Variants in PDCL2 observed in about 807,000 individuals in gnomAD.
The protein encoded by PDCL2 is phosducin like 2, also known as phosducin-like protein 2.
A neutral mutation model predicts 30.3 loss-of-function variants in PDCL2; 23 were observed. The observed-to-expected ratio is 0.76, with a 90% CI of 0.55 to 1.08. PDCL2 has a LOEUF of 1.08. Ranked by LOEUF, PDCL2 falls within the 50% of genes least tolerant of loss-of-function variation. PDCL2 has a pLI of 0.00. For missense variants in PDCL2, 243 were observed against 282.3 expected (o/e 0.86, Z 1.00); for synonymous variants, 68 against 86.2 (o/e 0.79, Z 1.17).
intron 4 of PDCL2, among the ~76,000 whole-genome samples, chr4:55,563,000 G>A (rs1400018402): frequency 1.3e-5 from 2 of 151,698 alleles, no homozygotes; most frequent in African/African-American, 4.8e-5. Flanking sequence ...CTGCCATCAT[G>A]AGCTTCTTTC....
chr4:55,556,835 G>GT (rs71194590), intron 5 of PDCL2, 124 bp from the exon 6 acceptor site: 253,253 of 782,158 alleles, frequency 0.32, 39,302 homozygotes, highest in East Asian at 0.55. Flanking sequence ...TTATTTATAG[G>GT]TTTTTTTTTC....
At chr4:55,577,115 C>T (rs765943187) in intron 3 of PDCL2, among the ~76,000 whole-genome samples, 8 of 152,106 alleles carry the variant, frequency 5.3e-5, no homozygotes, top group African/African-American at 1.4e-4. Context: ...CAGGCTGGTT[C>T]GAACTCCTGA....
chr4:55,578,332 T>G (rs999835292), intron 3 of PDCL2, among the ~76,000 whole-genome samples: 1 of 152,116 alleles, frequency 6.6e-6, no homozygotes, highest in African/African-American at 2.4e-5. Context: ...GCAAGCTGTG[T>G]CAGAAATACA....
In PDCL2 at chr4:55,569,829, T is replaced by C. The variant is rs1732374365; in HGVS notation, c.251A>G (p.Lys84Arg). 1 of 1,550,674 alleles carries C rather than the reference T, an allele frequency of 6.4e-7. No homozygotes were observed. The highest frequency in any genetic ancestry group is 1.9e-5 in the Admixed American group (1 of 52,212). Reference sequence around the variant, plus strand: ...TAATTCTCCAAATTTTTGTTTTTTCTTAAGAGCTTTCCATTCCTGTAACCG... The same window carrying C: ...TAATTCTCCAAATTTTTGTTTTTTCCTAAGAGCTTTCCATTCCTGTAACCG... ...KKRLQEWKAL[K>R]KKQKFGELRE... Residue 84 changes from lysine (K) to arginine (R), a missense_variant, in exon 4 of 6, where the codon AAG becomes AGG. Coordinates refer to ENST00000295645, the MANE Select transcript of PDCL2 (RefSeq NM_152401.3).
intron 1 of PDCL2, among the ~76,000 whole-genome samples, chr4:55,587,067 G>C (rs533212082): frequency 1.3e-5 from 2 of 151,664 alleles, no homozygotes; most frequent in Non-Finnish European, 2.9e-5. Context: ...ATTTTTCACT[G>C]TTCTGGAGGC....
chr4:55,572,246 T>A (rs1300868915), intron 3 of PDCL2, among the ~76,000 whole-genome samples: 1 of 140,768 alleles, frequency 7.1e-6, no homozygotes, highest in Non-Finnish European at 1.5e-5. Context: ...CACTAGCTAT[T>A]TTAAGCAGAA....
chr4:55,566,718 C>T (rs1302873583), intron 4 of PDCL2, among the ~76,000 whole-genome samples: 9 of 151,976 alleles, frequency 5.9e-5, no homozygotes, highest in Non-Finnish European at 1.0e-4. Context: ...AATGAGCCAC[C>T]GCACCCAGCC....
At chr4:55,588,701 T>C (rs1055740875) in intron 1 of PDCL2, among the ~76,000 whole-genome samples, 1 of 152,160 alleles carries the variant, frequency 6.6e-6, no homozygotes, top group Non-Finnish European at 1.5e-5. Context: ...TGCATGTGGA[T>C]ACCCAGTTTA....
chr4:55,574,669 C>T (rs2110161228), intron 3 of PDCL2, among the ~76,000 whole-genome samples: 1 of 152,290 alleles, frequency 6.6e-6, no homozygotes, highest in East Asian at 1.9e-4. Context: ...TAGTTACTCC[C>T]TATCCCCTAT....
At position 55,556,705 on chromosome 4, in the gene PDCL2, T is replaced by G. The variant is rs1257078353; in HGVS notation, c.578A>C (p.Glu193Ala). The G allele has an allele frequency of 1.3e-6, 2 of 1,545,648 alleles. No individual in the cohort carries two copies. Among genetic ancestry groups the G allele is most frequent in the Non-Finnish European group, 1.7e-6 (2 of 1,146,090 alleles). ...GGINLKLEEL[E>A]WKLAEVGAIQ... ...TGCTCCAACTTCTGCTAGCTTCCAT[T>G]CAAGTTCTGTAATAAATAACCCATC... The change falls in exon 6 of 6, where the codon GAA (glutamate) becomes GCA (alanine). Residue 193 changes from glutamate to alanine, a missense_variant. Physicochemically the swap from Glu to Ala is moderately radical, Grantham distance 107. Transcript: ENST00000295645.
At chr4:55,571,926 T>G (rs953131778) in intron 3 of PDCL2, among the ~76,000 whole-genome samples, 1 of 151,816 alleles carries the variant, frequency 6.6e-6, no homozygotes, top group Non-Finnish European at 1.5e-5. Context: ...CCCTACTTTG[T>G]TTGCACCGAG....
At chr4:55,575,708 T>C (rs1307684625) in intron 3 of PDCL2, among the ~76,000 whole-genome samples, 1 of 152,162 alleles carries the variant, frequency 6.6e-6, no homozygotes, top group East Asian at 1.9e-4. Context: ...GGATCTTCAA[T>C]AAGACTATCA....
intron 4 of PDCL2, among the ~76,000 whole-genome samples, chr4:55,565,185 T>C (rs971349679): frequency 6.6e-6 from 1 of 152,100 alleles, no homozygotes; most frequent in Non-Finnish European, 1.5e-5. Flanking sequence ...AGATTGGTCT[T>C]TTTTATATAT....
chr4:55,566,403 A>G (rs1273748010), intron 4 of PDCL2, among the ~76,000 whole-genome samples: 1 of 151,096 alleles, frequency 6.6e-6, no homozygotes, highest in Non-Finnish European at 1.5e-5. Context: ...TTTTATACCA[A>G]CACAGGAATG....
chr4:55,585,558 AC>A (rs1732837879), intron 1 of PDCL2, among the ~76,000 whole-genome samples: 9 of 152,084 alleles, frequency 5.9e-5, no homozygotes, highest in African/African-American at 1.9e-4. Flanking sequence ...ACACACACAC[AC>A]ACAAAGATTT....
intron 3 of PDCL2, among the ~76,000 whole-genome samples, chr4:55,576,621 T>A (rs1415800056): frequency 6.6e-6 from 1 of 151,990 alleles, no homozygotes; most frequent in Non-Finnish European, 1.5e-5. Context: ...AGATAATCAC[T>A]ATGAAAAAAC....
chr4:55,581,247 A>G (rs1291510480), intron 2 of PDCL2, among the ~76,000 whole-genome samples: 2 of 152,168 alleles, frequency 1.3e-5, no homozygotes. Flanking sequence ...GTGAGCTGAG[A>G]TCGCACCACT....
At chr4:55,573,361 A>G (rs934878459) in intron 3 of PDCL2, among the ~76,000 whole-genome samples, 1 of 152,180 alleles carries the variant, frequency 6.6e-6, no homozygotes, top group Admixed American at 6.5e-5. Context: ...TTATCTACAC[A>G]ATAACATTTG....
intron 1 of PDCL2, among the ~76,000 whole-genome samples, chr4:55,587,229 A>G: frequency 6.8e-6 from 1 of 148,102 alleles, no homozygotes; most frequent in African/African-American, 2.5e-5. Flanking sequence ...AAAAAAAAAA[A>G]AAAAAAAAAA....
Sources: allele counts gnomAD v4.1 joint callset (sites outside exome capture counted in the v4.1 genomes callset), GRCh38; gene constraint gnomAD v4.1.1; transcripts MANE v1.5; gene names NCBI Gene and HGNC (gene_info 2026-07-23, HGNC 2026-07-21).